Variants in GOLGA8B observed in about 807,000 individuals in gnomAD.
GOLGA8B encodes golgin subfamily A member 8B.
GOLGA8B carries 1 observed loss-of-function variant against 15.6 expected under a neutral mutation model. The observed-to-expected ratio is 0.06, with a 90% CI of 0.02 to 0.30. The LOEUF (loss-of-function observed/expected upper bound fraction) is 0.30, where lower values mean the gene tolerates loss of function less well. GOLGA8B is among the 10% of genes least tolerant of loss of function. The pLI is 1.00. For synonymous variants in GOLGA8B, 9 were observed against 80.3 expected (o/e 0.11, Z 4.75); for missense variants, 17 against 201.3 (o/e 0.08, Z 5.54).
At chr15:34,556,103 C>CGTGT in intron 1 of GOLGA8B, 1 of 147,508 alleles carries the variant, frequency 6.8e-6, no homozygotes. Context: ...ACTACGTGAA[C>CGTGT]GACACCTCTG....
At chr15:34,579,673 A>C (rs1889176772) in intron 1 of GOLGA8B, among the ~76,000 whole-genome samples, 1 of 152,202 alleles carries the variant, frequency 6.6e-6, no homozygotes, top group African/African-American at 2.4e-5. Flanking sequence ...TCTGTGCTAC[A>C]TTCTAGGAGG....
At chr15:34,573,454 G>A (rs369384751) in intron 1 of GOLGA8B, among the ~76,000 whole-genome samples, 26 of 149,086 alleles carry the variant, frequency 1.7e-4, no homozygotes, top group East Asian at 1.0e-3. Flanking sequence ...GGAGAATGGC[G>A]TGAACCCAGG....
chr15:34,573,831 G>A (rs1418573096), intron 1 of GOLGA8B, among the ~76,000 whole-genome samples: 1 of 151,696 alleles, frequency 6.6e-6, no homozygotes, highest in Non-Finnish European at 1.5e-5. Context: ...CAACAGCTGT[G>A]GGACACTAGG....
chr15:34,567,733 A>C (rs1056625006), intron 1 of GOLGA8B, among the ~76,000 whole-genome samples: 2 of 151,896 alleles, frequency 1.3e-5, no homozygotes, highest in Non-Finnish European at 2.9e-5. Context: ...AAACCCACCC[A>C]CACCAAGAAT....
chr15:34,554,041 T>C (rs1161396411), intron 1 of GOLGA8B, 85 bp from the exon 2 acceptor site: 2 of 136,310 alleles, frequency 1.5e-5, no homozygotes, highest in Non-Finnish European at 3.2e-5. Flanking sequence ...CCATGATTCC[T>C]TTGCCCACCG....
rs541924444 is a variant in GOLGA8B at position 34,527,357 on chromosome 15, G to A, written c.*275C>T. ...CTTTGTGTGTTTGAACTCCCACCACGTAAGGGCAAACTCGATATGCATGCT... is the reference window on the plus strand; with the variant it reads ...CTTTGTGTGTTTGAACTCCCACCACATAAGGGCAAACTCGATATGCATGCT... On this transcript the variant is annotated 3_prime_UTR_variant, in exon 24 of 24. Transcript: ENST00000683415. 1.9e-3 allele frequency: 811 copies of A among 429,874 alleles called. 65 individuals are homozygous for A. The highest frequency in any genetic ancestry group is 0.016 in the African/African-American group (751 of 47,716). 26.6% of individuals were successfully genotyped at this position (429,874 alleles called of 1,614,324 possible). A position where few individuals can be genotyped will look rare whatever the true frequency, so the allele number is the denominator to read the frequency against.
intron 1 of GOLGA8B, among the ~76,000 whole-genome samples, chr15:34,583,084 T>C (rs980860904): frequency 6.6e-5 from 10 of 151,988 alleles, no homozygotes; most frequent in African/African-American, 2.2e-4. Flanking sequence ...CCAAACTCAG[T>C]AGTTGCCGCC....
At chr15:34,580,470 C>T (rs1426497468) in intron 1 of GOLGA8B, among the ~76,000 whole-genome samples, 1 of 114,342 alleles carries the variant, frequency 8.7e-6, no homozygotes, top group Non-Finnish European at 1.8e-5. Context: ...GCAATGGCAC[C>T]CCACCAGTAC....
intron 1 of GOLGA8B, among the ~76,000 whole-genome samples, chr15:34,579,619 A>T (rs74510946): frequency 4.6e-5 from 7 of 152,246 alleles, no homozygotes; most frequent in Non-Finnish European, 7.3e-5. Flanking sequence ...GACGTTGCAC[A>T]GTACAACTCT....
chr15:34,561,654 GA>G, intron 1 of GOLGA8B, among the ~76,000 whole-genome samples: 1 of 60,430 alleles, frequency 1.7e-5, no homozygotes, highest in African/African-American at 7.8e-5. Context: ...GTGGCTGAAT[GA>G]TATTCCACTG....
intron 1 of GOLGA8B, among the ~76,000 whole-genome samples, chr15:34,571,904 T>C (rs1888924330): frequency 6.6e-6 from 1 of 151,992 alleles, no homozygotes; most frequent in South Asian, 2.1e-4. Flanking sequence ...AGAGAAAATA[T>C]CCGCAATATA....
At chr15:34,557,644 A>ATGTATGTGTGTGTGTG (rs1555405945) in intron 1 of GOLGA8B, among the ~76,000 whole-genome samples, 1 of 76,060 alleles carries the variant, frequency 1.3e-5, no homozygotes, top group African/African-American at 4.5e-5. Context: ...GAATTCATGA[A>ATGTATGTGTGTGTGTG]TGTGTGTGTG....
chr15:34,577,909 A>AT (rs577423105), intron 1 of GOLGA8B, among the ~76,000 whole-genome samples: 221 of 152,298 alleles, frequency 1.5e-3, no homozygotes, highest in African/African-American at 5.1e-3. Flanking sequence ...GTTAGGCTAC[A>AT]TTTTTTTAAA....
intron 1 of GOLGA8B, among the ~76,000 whole-genome samples, chr15:34,568,900 G>A (rs1665308493): frequency 7.0e-6 from 1 of 143,674 alleles, no homozygotes; most frequent in Non-Finnish European, 1.5e-5. Flanking sequence ...CCTCTGCCAT[G>A]CCTGCTACTT....
intron 23 of GOLGA8B, 28 bp from the exon 24 acceptor site, chr15:34,527,862 A>G: frequency 6.4e-7 from 1 of 1,564,884 alleles, no homozygotes; most frequent in Non-Finnish European, 8.6e-7. Flanking sequence ...CGGGGATCTG[A>G]GTGGAGTGCT....
intron 1 of GOLGA8B, among the ~76,000 whole-genome samples, chr15:34,576,817 T>TA (rs554701969): frequency 1.3e-4 from 20 of 152,298 alleles, no homozygotes; most frequent in Admixed American, 9.8e-4. Context: ...CAGAATCAGT[T>TA]AGAGGCTGGA....
chr15:34,563,797 C>T (rs145335411), intron 1 of GOLGA8B, among the ~76,000 whole-genome samples: 11,462 of 143,134 alleles, frequency 0.08, 124 homozygotes, highest in South Asian at 0.2. Flanking sequence ...CTGTGAATTA[C>T]CTGATGAAAT....
At chr15:34,549,284 C>A (rs1474344597) in intron 4 of GOLGA8B, among the ~76,000 whole-genome samples, 1 of 75,700 alleles carries the variant, frequency 1.3e-5, no homozygotes, top group African/African-American at 4.4e-5. Context: ...AGACACAAGT[C>A]TGGTTCGTTT....
At chr15:34,581,594 T>C (rs377387206) in intron 1 of GOLGA8B, 1 of 152,142 alleles carries the variant, frequency 6.6e-6, no homozygotes, top group African/African-American at 2.4e-5. Context: ...TTTTAAAGGT[T>C]AGAGCTACTT....
Sources: allele counts gnomAD v4.1 joint callset (sites outside exome capture counted in the v4.1 genomes callset), GRCh38; gene constraint gnomAD v4.1.1; transcripts MANE v1.5; gene names NCBI Gene and HGNC (gene_info 2026-07-23, HGNC 2026-07-21).